The following B3GAT2 variants were observed in gnomAD, a reference collection of about 807,000 sequenced individuals.
The protein encoded by B3GAT2 is galactosylgalactosylxylosylprotein 3-beta-glucuronosyltransferase 2.
B3GAT2 carries 26 observed loss-of-function variants against 27.8 expected under a neutral mutation model. The observed-to-expected ratio is 0.93, with a 90% CI of 0.68 to 1.30. The LOEUF is 1.30. B3GAT2 is among the 50% of genes most tolerant of loss of function. The pLI is 0.00. For synonymous variants in B3GAT2, 218 were observed against 195.1 expected (o/e 1.12, Z -0.98); for missense variants, 458 against 459.0 (o/e 1.00, Z 0.02).
At chr6:70,890,860 G>C (rs183626826) in intron 2 of B3GAT2, among the ~76,000 whole-genome samples, 1 of 152,238 alleles carries the variant, frequency 6.6e-6, no homozygotes, top group Admixed American at 6.5e-5. Flanking sequence ...GTCATTAATG[G>C]AGCACCGTGT....
At chr6:70,884,708 T>C (rs1772155618) in intron 2 of B3GAT2, among the ~76,000 whole-genome samples, 1 of 152,230 alleles carries the variant, frequency 6.6e-6, no homozygotes, top group Admixed American at 6.5e-5. Context: ...GGAAATTAGC[T>C]AGGCAAACGT....
chr6:70,870,549 A>AT (rs1771917595), intron 2 of B3GAT2, among the ~76,000 whole-genome samples: 1 of 151,984 alleles, frequency 6.6e-6, no homozygotes, highest in African/African-American at 2.4e-5. Flanking sequence ...AATAATAATA[A>AT]AAAAAAGAAA....
At chr6:70,864,061 CTTTTT>C (rs35544177) in intron 2 of B3GAT2, among the ~76,000 whole-genome samples, 5 of 129,788 alleles carry the variant, frequency 3.9e-5, no homozygotes, top group Admixed American at 7.9e-5. Context: ...AAGCTTTATC[CTTTTT>C]TTTTTTTTTT....
In B3GAT2 at chr6:70,858,249, T is replaced by C. The variant is rs758966071; in HGVS notation, c.*3414A>G. 6.4e-7 allele frequency: 1 copy of C among 1,558,780 alleles called. No homozygotes were observed. The highest frequency in any genetic ancestry group is 8.7e-7 in the Non-Finnish European group (1 of 1,146,230). On this transcript the variant is annotated 3_prime_UTR_variant, in exon 4 of 4. Transcript: ENST00000230053. ...TCACAGGTAGGGGTCATTTACTTTC[T>C]AGCTTCTCCCAAATCAAACCAGATT...
chr6:70,857,284 T>TA lies in B3GAT2; in HGVS notation c.*4378dup, dbSNP rs1223342669. 3.3e-6 allele frequency: 1 copy of TA among 301,422 alleles called. No homozygotes were observed. The highest frequency in any genetic ancestry group is 6.1e-6 in the Non-Finnish European group (1 of 164,198). The allele number at this position is 301,422 out of a possible 1,614,324, so 18.7% of individuals were successfully genotyped here. ...CACTAAATGTTGTTTCACAAGCTTA[T>TA]AGAACATGGATTATCTTTGATGAAT... On this transcript the variant is annotated 3_prime_UTR_variant, in exon 4 of 4. Coordinates refer to ENST00000230053, the MANE Select transcript of B3GAT2 (RefSeq NM_080742.3).
At chr6:70,925,765 C>T (rs193173548) in intron 1 of B3GAT2, among the ~76,000 whole-genome samples, 13 of 152,352 alleles carry the variant, frequency 8.5e-5, no homozygotes, top group African/African-American at 3.1e-4. Context: ...CAGACTTAAA[C>T]GTCCCTGTCT....
intron 2 of B3GAT2, among the ~76,000 whole-genome samples, chr6:70,885,234 A>T (rs185775598): frequency 2.4e-4 from 37 of 152,306 alleles, no homozygotes; most frequent in African/African-American, 8.7e-4. Flanking sequence ...ATGTGCCATC[A>T]GGAATTTGCA....
chr6:70,869,559 A>G (rs1004799890), intron 2 of B3GAT2, among the ~76,000 whole-genome samples: 31 of 152,324 alleles, frequency 2.0e-4, no homozygotes, highest in Non-Finnish European at 1.5e-5. Flanking sequence ...ATCCATGAAC[A>G]TATCTTTCCA....
In B3GAT2 at chr6:70,956,073, C is replaced by A; in HGVS notation, c.357G>T (p.Ala119=). The change falls in exon 1 of 4, where the codon GCG becomes GCT. Residue 119 remains alanine, a synonymous_variant. Transcript: ENST00000230053. ...GGCTCACCAGCTCGCTGCGCGCCGCCGCGTCCTCCACCAGGATCCAGTGCA... is the reference window on the plus strand; with the variant it reads ...GGCTCACCAGCTCGCTGCGCGCCGCAGCGTCCTCCACCAGGATCCAGTGCA... ...AQLHWILVED[A]AARSELVSRF... is the part of the protein sequence containing the mutation. 1 of 1,592,280 alleles carries A rather than the reference C, an allele frequency of 6.3e-7. No homozygotes were observed. The highest frequency in any genetic ancestry group is 8.5e-7 in the Non-Finnish European group (1 of 1,173,144).
At chr6:70,934,557 C>A (rs896775881) in intron 1 of B3GAT2, among the ~76,000 whole-genome samples, 5 of 152,122 alleles carry the variant, frequency 3.3e-5, no homozygotes, top group African/African-American at 7.2e-5. Context: ...TCCTTTGGGG[C>A]AACCAGAGGT....
At chr6:70,894,293 T>A in intron 1 of B3GAT2, 21 bp from the exon 2 acceptor site, 1 of 1,554,800 alleles carries the variant, frequency 6.4e-7, no homozygotes, top group Non-Finnish European at 8.7e-7. Context: ...GGAAAAGACA[T>A]GTGTTTTAAG....
intron 1 of B3GAT2, among the ~76,000 whole-genome samples, chr6:70,946,143 G>A (rs542570920): frequency 4.6e-5 from 7 of 152,074 alleles, no homozygotes; most frequent in African/African-American, 7.2e-5. Context: ...GACCATCGAG[G>A]CTAGGAAGAA....
At chr6:70,880,995 T>C (rs1157156188) in intron 2 of B3GAT2, among the ~76,000 whole-genome samples, 1 of 152,170 alleles carries the variant, frequency 6.6e-6, no homozygotes, top group Non-Finnish European at 1.5e-5. Flanking sequence ...ATTTCATATA[T>C]AGTTATTTTC....
chr6:70,949,345 A>C (rs1765542100), intron 1 of B3GAT2, among the ~76,000 whole-genome samples: 2 of 152,362 alleles, frequency 1.3e-5, no homozygotes, highest in South Asian at 4.1e-4. Context: ...CAATGAACTC[A>C]AACAAATTTA....
At chr6:70,913,483 T>C (rs2150039354) in intron 1 of B3GAT2, among the ~76,000 whole-genome samples, 1 of 152,282 alleles carries the variant, frequency 6.6e-6, no homozygotes, top group Middle Eastern at 3.4e-3. Context: ...CAGGAGCAGG[T>C]TGTTTGATTT....
Position 70,860,616 on chromosome 6 carries a change from T to G in B3GAT2, c.*1047A>C. 2.3e-6 allele frequency: 1 copy of G among 434,224 alleles called. No individual in the cohort carries two copies. 26.9% of individuals were successfully genotyped at this position (434,224 alleles called of 1,614,324 possible). A position where few individuals can be genotyped will look rare whatever the true frequency, so the allele number is the denominator to read the frequency against. On this transcript the variant is annotated 3_prime_UTR_variant, in exon 4 of 4. Coordinates refer to ENST00000230053, the MANE Select transcript of B3GAT2 (RefSeq NM_080742.3). Reference sequence around the variant, plus strand: ...GCTCAACTTGCAAAATCAGTTTTCCTCTCAATAAAATTATAGCTCTAATGT... The same window carrying G: ...GCTCAACTTGCAAAATCAGTTTTCCGCTCAATAAAATTATAGCTCTAATGT...
At chr6:70,919,166 C>A (rs1582380132) in intron 1 of B3GAT2, among the ~76,000 whole-genome samples, 2 of 152,132 alleles carry the variant, frequency 1.3e-5, no homozygotes, top group South Asian at 4.1e-4. Context: ...CACTGATATC[C>A]TTTCTTTCGC....
chr6:70,895,495 ATTTTT>A (rs59066944), intron 1 of B3GAT2, among the ~76,000 whole-genome samples: 13 of 76,614 alleles, frequency 1.7e-4, no homozygotes, highest in South Asian at 1.0e-3. Context: ...CAAAAAGGGG[ATTTTT>A]TTTTTTTTTT....
intron 2 of B3GAT2, among the ~76,000 whole-genome samples, chr6:70,872,827 CT>C (rs1176048816): frequency 6.6e-6 from 1 of 151,642 alleles, no homozygotes; most frequent in African/African-American, 2.4e-5. Flanking sequence ...TTTTAATTCT[CT>C]TGTCATTTAT....
Sources: gnomAD v4.1 joint callset for allele counts (sites outside exome capture counted in the v4.1 genomes callset) on GRCh38, gnomAD v4.1.1 for gene constraint, MANE v1.5 for transcripts, NCBI Gene and HGNC (gene_info 2026-07-23, HGNC 2026-07-21) for gene names.